The following TRIM2 variants were observed in gnomAD, a reference collection of about 807,000 sequenced individuals.
The protein encoded by TRIM2 is tripartite motif-containing protein 2.
In TRIM2, 20 loss-of-function variants were observed where a neutral mutation model predicts 75.2. That is an observed-to-expected ratio of 0.27 (90% CI 0.19 to 0.39). The LOEUF is 0.39. Ranked by LOEUF, TRIM2 falls within the 10% of genes least tolerant of loss-of-function variation. The probability of loss-of-function intolerance (pLI) is 1.00; values close to 1 mark genes in which losing one functional copy is unlikely to be tolerated. For synonymous variants in TRIM2, 373 were observed against 388.3 expected (o/e 0.96, Z 0.46); for missense variants, 660 against 990.8 (o/e 0.67, Z 4.48).
In TRIM2 at chr4:153,315,514, A is replaced by T. The variant is rs774590386; in HGVS notation, c.1540A>T (p.Thr514Ser). The stretch of plus-strand genomic sequence containing the variant: ...CAAAGGAAGAAATAAAGGAGAGTTT[A>T]CAAATCTTCAGGGGGTAGCTGCATC... The part of the protein sequence containing the change: ...GTKGRNKGEF[T>S]NLQGVAASTN... Residue 514 changes from threonine to serine, a missense_variant, in exon 7 of 12, where the codon ACA becomes TCA. Physicochemically the swap from Thr to Ser is moderately conservative, Grantham distance 58. This residue lies in a region of TRIM2 where 620 missense variants were observed against 891.0 expected (regional missense o/e 0.70). Coordinates refer to ENST00000338700, the MANE Select transcript of TRIM2 (RefSeq NM_015271.5). 8.1e-6 allele frequency: 13 copies of T among 1,606,026 alleles called. No individual in the cohort carries two copies. The South Asian group carries it at 1.5e-4, about 18-fold the overall frequency.
intron 1 of TRIM2, among the ~76,000 whole-genome samples, chr4:153,256,681 T>C (rs1277925610): frequency 2.0e-5 from 3 of 152,250 alleles, no homozygotes; most frequent in African/African-American, 7.2e-5. Flanking sequence ...ATGTTATTTG[T>C]CAAGTTTCTC....
rs1221605495 is a variant in TRIM2, at chr4:153,187,399, G to A, written c.-49+34129G>A. Among the ~76,000 whole-genome samples the A allele has an allele frequency of 2.6e-5, 4 of 152,330 alleles. No individual in the cohort carries two copies. In the East Asian group the frequency reaches 5.8e-4, roughly 22 times the overall value. ...CTGGATCTTTGGAAAGGTTGTCAATGTGTCAGCTTCTCTGACCCACCAGGG... is the reference window on the plus strand; with the variant it reads ...CTGGATCTTTGGAAAGGTTGTCAATATGTCAGCTTCTCTGACCCACCAGGG... On this transcript the variant is annotated intron_variant, in intron 1 of 11. Coordinates refer to the TRIM2 transcript ENST00000437508.
chr4:153,221,529 T>C (rs1479010619), intron 1 of TRIM2, among the ~76,000 whole-genome samples: 1 of 152,202 alleles, frequency 6.6e-6, no homozygotes, highest in African/African-American at 2.4e-5. Context: ...CATACACTTC[T>C]ATCATTTCAT....
At chr4:153,178,646 G>T (rs995855593) in intron 1 of TRIM2, among the ~76,000 whole-genome samples, 3 of 152,100 alleles carry the variant, frequency 2.0e-5, no homozygotes, top group African/African-American at 7.2e-5. Context: ...ATGACTCCTG[G>T]TCAAAAAAAT....
At chr4:153,158,758 G>A (rs1392547012) in intron 1 of TRIM2, among the ~76,000 whole-genome samples, 1 of 152,210 alleles carries the variant, frequency 6.6e-6, no homozygotes, top group East Asian at 1.9e-4. Context: ...ACACAATCAG[G>A]TTATGAGTGC....
At chr4:153,311,886 T>G (rs72729634) in intron 6 of TRIM2, among the ~76,000 whole-genome samples, 35,017 of 129,594 alleles carry the variant, frequency 0.27, 4,850 homozygotes, top group South Asian at 0.38. Flanking sequence ...TAAATGAAGT[T>G]TTTATTCTTT....
At chr4:153,299,368 T>C (rs568910184) in intron 6 of TRIM2, among the ~76,000 whole-genome samples, 146 of 152,252 alleles carry the variant, frequency 9.6e-4, no homozygotes, top group Admixed American at 2.1e-3. Flanking sequence ...TATATATATA[T>C]ACACACAGTG....
chr4:153,170,472 G>GGGAGCAGATTAGTTGC (rs1445592384), intron 1 of TRIM2, among the ~76,000 whole-genome samples: 1 of 152,158 alleles, frequency 6.6e-6, no homozygotes, highest in Non-Finnish European at 1.5e-5. Flanking sequence ...GGTGGCGGCA[G>GGGAGCAGATTAGTTGC]GGAGCAGATT....
chr4:153,196,272 CACA>C lies in TRIM2; in HGVS notation c.-49+43003_-49+43005del, dbSNP rs1395394349. Among the ~76,000 whole-genome samples the C allele has an allele frequency of 4.6e-3, 617 of 132,936 alleles. 8 individuals are homozygous for C. The highest frequency in any genetic ancestry group is 0.016 in the African/African-American group (580 of 35,248). 87.2% of individuals were successfully genotyped at this position (132,936 alleles called of 152,430 possible). ...AGACCCCATTCCTACCACCCCCCCC[CACA>C]CACACACACACACAAACTGGGTGCA... On this transcript the variant is annotated intron_variant, in intron 1 of 11. Transcript: ENST00000437508.
intron 6 of TRIM2, chr4:153,307,916 A>G (rs553663540): frequency 2.4e-5 from 18 of 752,818 alleles, no homozygotes; most frequent in South Asian, 2.2e-4. Context: ...CCTTATCTTG[A>G]GTCCCCATGC....
chr4:153,282,257 G>A lies in TRIM2; in HGVS notation c.453+6127G>A, dbSNP rs117662312. ...AGCTTAAACCAAAGCTGTCAGAACC[G>A]AAGCACGAGCCTTTGAAAATGACTA... On this transcript the variant is annotated intron_variant, in intron 3 of 11. Coordinates refer to ENST00000338700, the MANE Select transcript of TRIM2 (RefSeq NM_015271.5). 5.3e-4 allele frequency among the ~76,000 whole-genome samples: 80 copies of A among 152,326 alleles called. No homozygotes were observed. The South Asian group carries it at 8.3e-3, about 16-fold the overall frequency.
At chr4:153,209,145 G>A (rs1488591202) in intron 1 of TRIM2, among the ~76,000 whole-genome samples, 2 of 152,362 alleles carry the variant, frequency 1.3e-5, no homozygotes, top group East Asian at 1.9e-4. Flanking sequence ...AAGGAGCAGG[G>A]AGCCTGGTGA....
chr4:153,180,715 T>C (rs1731967853), intron 1 of TRIM2, among the ~76,000 whole-genome samples: 1 of 152,188 alleles, frequency 6.6e-6, no homozygotes, highest in Non-Finnish European at 1.5e-5. Context: ...TGAGCTCAAG[T>C]GATCTGCCCG....
intron 6 of TRIM2, among the ~76,000 whole-genome samples, chr4:153,304,868 G>A (rs1326754093): frequency 6.6e-6 from 1 of 152,192 alleles, no homozygotes; most frequent in African/African-American, 2.4e-5. Flanking sequence ...TTTGAATGGT[G>A]TAATGTAGTG....
Position 153,336,116 on chromosome 4 carries a change from TTA to T in TRIM2, c.*1167_*1168del, listed in dbSNP as rs34423384. 15,528 of 818,306 alleles carry T rather than the reference TTA, an allele frequency of 0.019. 1 individual carries two copies. Among genetic ancestry groups the T allele is most frequent in the Non-Finnish European group, 0.021 (14,215 of 678,760 alleles). 50.7% of individuals were successfully genotyped at this position (818,306 alleles called of 1,614,324 possible). On this transcript the variant is annotated 3_prime_UTR_variant, in exon 12 of 12. Transcript: ENST00000338700. ...CATGATTAGGGTAAGATAGAATGTA[TTA>T]TATATATATATATATACACACACAC... is the stretch of plus-strand genomic sequence containing the variant.
intron 1 of TRIM2, among the ~76,000 whole-genome samples, chr4:153,261,254 G>A (rs1054632811): frequency 5.3e-5 from 8 of 152,038 alleles, no homozygotes; most frequent in African/African-American, 7.2e-5. Flanking sequence ...ACACCCTCTC[G>A]CTACTAAAAA....
chr4:153,212,325 G>A (rs1737262202), intron 1 of TRIM2, among the ~76,000 whole-genome samples: 1 of 152,204 alleles, frequency 6.6e-6, no homozygotes, highest in South Asian at 2.1e-4. Context: ...TTATAAGTGG[G>A]AGGTACACAG....
At chr4:153,214,719 G>A (rs1467365253) in intron 1 of TRIM2, among the ~76,000 whole-genome samples, 1 of 152,186 alleles carries the variant, frequency 6.6e-6, no homozygotes, top group Non-Finnish European at 1.5e-5. Context: ...ACCAAGAGGT[G>A]TTGTTAGCTA....
intron 1 of TRIM2, among the ~76,000 whole-genome samples, chr4:153,247,304 G>A (rs567829599): frequency 1.3e-5 from 2 of 152,198 alleles, no homozygotes; most frequent in Non-Finnish European, 1.5e-5. Flanking sequence ...CCTCTCAGCT[G>A]TGTCAAAAAC....
Sources: allele counts gnomAD v4.1 joint callset (sites outside exome capture counted in the v4.1 genomes callset), GRCh38; gene constraint gnomAD v4.1.1; regional missense constraint gnomAD v4.1.1; transcripts MANE v1.5; gene names NCBI Gene and HGNC (gene_info 2026-07-23, HGNC 2026-07-21).